TENM2: variants seen among roughly 807,000 people sequenced by gnomAD.
TENM2 encodes the protein teneurin-2.
TENM2 carries 52 observed loss-of-function variants against 245.2 expected under a neutral mutation model. That is an observed-to-expected ratio of 0.21 (90% CI 0.17 to 0.27). The LOEUF (loss-of-function observed/expected upper bound fraction) is 0.27, where lower values mean the gene tolerates loss of function less well. Ranked by LOEUF, TENM2 falls within the 10% of genes least tolerant of loss-of-function variation. TENM2 has a pLI of 1.00. For synonymous variants in TENM2, 1,363 were observed against 1,438.9 expected (o/e 0.95, Z 1.19); for missense variants, 3,046 against 3,666.8 (o/e 0.83, Z 4.37).
At chr5:168,225,274 C>T (rs1044088244) in intron 23 of TENM2, among the ~76,000 whole-genome samples, 1 of 152,138 alleles carries the variant, frequency 6.6e-6, no homozygotes, top group Non-Finnish European at 1.5e-5. Context: ...TGTCCAGAGG[C>T]CTAGGAGATG....
At chr5:168,041,482 A>G (rs1216274404) in intron 5 of TENM2, among the ~76,000 whole-genome samples, 1 of 152,154 alleles carries the variant, frequency 6.6e-6, no homozygotes, top group East Asian at 1.9e-4. Context: ...GCTCTTCCCC[A>G]GACGTCAGCA....
At chr5:167,479,045 G>A (rs1228843704) in intron 2 of TENM2, among the ~76,000 whole-genome samples, 1 of 151,894 alleles carries the variant, frequency 6.6e-6, no homozygotes, top group Non-Finnish European at 1.5e-5. Context: ...TATCATGTAT[G>A]TATGACAGTG....
At chr5:167,667,473 C>T (rs1437038403) in intron 2 of TENM2, among the ~76,000 whole-genome samples, 2 of 152,130 alleles carry the variant, frequency 1.3e-5, no homozygotes, top group East Asian at 1.9e-4. Flanking sequence ...GTCATCAGTC[C>T]ACCCATCAGT....
chr5:167,884,649 T>C lies in TENM2; in HGVS notation c.712+8454T>C, dbSNP rs146339998. On this transcript the variant is annotated intron_variant, in intron 3 of 28. Transcript: ENST00000518659. Reference sequence around the variant, plus strand: ...TATATACCACATTTTGTTTATTCACTCCTCCCTTACTAGACACTTCGGTGG... The same window carrying C: ...TATATACCACATTTTGTTTATTCACCCCTCCCTTACTAGACACTTCGGTGG... 8.1e-4 allele frequency among the ~76,000 whole-genome samples: 123 copies of C among 152,340 alleles called. 1 individual carries two copies. Among genetic ancestry groups the C allele is most frequent in the African/African-American group, 2.5e-3 (106 of 41,590 alleles).
In TENM2 at chr5:167,375,486, C is replaced by T. The variant is rs976283164; in HGVS notation, c.502+13C>T. On this transcript the variant is annotated intron_variant, in intron 2 of 28. Transcript: ENST00000518659. The stretch of plus-strand genomic sequence containing the variant: ...GATGATGAGAACGGTAGGCCTGCTT[C>T]TTAAATACCTTTTAACGTTCTGTGC... 6.4e-7 allele frequency: 1 copy of T among 1,551,004 alleles called. No homozygotes were observed. Among genetic ancestry groups the T allele is most frequent in the African/African-American group, 1.4e-5 (1 of 73,030 alleles).
At chr5:167,331,972 AAGAG>A (rs1372050261) in intron 1 of TENM2, among the ~76,000 whole-genome samples, 2 of 152,208 alleles carry the variant, frequency 1.3e-5, no homozygotes, top group Admixed American at 1.3e-4. Context: ...TCTTCCACAA[AAGAG>A]AGAGAAGGAA....
At chr5:167,776,126 A>G (rs189466148) in intron 2 of TENM2, among the ~76,000 whole-genome samples, 67 of 117,530 alleles carry the variant, frequency 5.7e-4, no homozygotes, top group African/African-American at 1.4e-3. Flanking sequence ...TAATATATGA[A>G]TTATGATTGT....
At chr5:167,013,415 T>C in the TENM2 span, among the ~76,000 whole-genome samples, 1 of 152,206 alleles carries the variant, frequency 6.6e-6, no homozygotes, top group African/African-American at 2.4e-5. Context: ...ACATGGCTTC[T>C]TTGACAGCCA....
At chr5:167,846,477 C>T (rs991883051) in intron 2 of TENM2, among the ~76,000 whole-genome samples, 7 of 152,112 alleles carry the variant, frequency 4.6e-5, no homozygotes, top group Non-Finnish European at 8.8e-5. Context: ...CAGCAGCATG[C>T]GGATTGCTAG....
chr5:167,775,477 C>G (rs1255859686), intron 2 of TENM2, among the ~76,000 whole-genome samples: 1 of 152,198 alleles, frequency 6.6e-6, no homozygotes, highest in Non-Finnish European at 1.5e-5. Flanking sequence ...CTGACAAAAG[C>G]AGGACTCACT....
chr5:167,572,239 G>T (rs1350046627), intron 2 of TENM2, among the ~76,000 whole-genome samples: 1 of 152,238 alleles, frequency 6.6e-6, no homozygotes, highest in Non-Finnish European at 1.5e-5. Context: ...CAGCAATGTG[G>T]CCAGTGTGGG....
the TENM2 span, among the ~76,000 whole-genome samples, chr5:167,260,600 C>A: frequency 1.3e-5 from 2 of 152,154 alleles, no homozygotes; most frequent in East Asian, 3.9e-4. Flanking sequence ...GCTTTTGAAT[C>A]ATTTCATTAT....
chr5:167,102,607 G>A, the TENM2 span, among the ~76,000 whole-genome samples: 938 of 152,328 alleles, frequency 6.2e-3, 5 homozygotes, highest in African/African-American at 0.021. Flanking sequence ...TTCGGAGACT[G>A]TGTCTCTCTG....
chr5:167,427,601 C>T lies in TENM2; in HGVS notation c.502+52128C>T, dbSNP rs977312623. Among the ~76,000 whole-genome samples, 11 of 25,670 alleles carry T rather than the reference C, an allele frequency of 4.3e-4. No individual in the cohort carries two copies. In the East Asian group the frequency reaches 9.5e-3, roughly 22 times the overall value. The allele number at this position is 25,670 out of a possible 152,430, so 16.8% of individuals were successfully genotyped here. ...GACGGGAAGGAAGGGAAGGAAGGGA[C>T]GGGAGGGAAGGAAGGGAAGGAAGAA... On this transcript the variant is annotated intron_variant, in intron 2 of 28. Transcript: ENST00000518659.
At chr5:168,027,210 T>A (rs1344322758) in intron 5 of TENM2, among the ~76,000 whole-genome samples, 1 of 151,962 alleles carries the variant, frequency 6.6e-6, no homozygotes, top group Admixed American at 6.5e-5. Context: ...ACCGAGGTAC[T>A]GATCATGGGG....
intron 2 of TENM2, among the ~76,000 whole-genome samples, chr5:167,645,165 C>T (rs1053876401): frequency 1.3e-5 from 2 of 152,162 alleles, no homozygotes; most frequent in East Asian, 3.8e-4. Context: ...CATGACTGTA[C>T]ACTAACAAGT....
intron 5 of TENM2, among the ~76,000 whole-genome samples, chr5:167,995,708 G>C (rs753053921): frequency 2.6e-5 from 4 of 152,130 alleles, no homozygotes; most frequent in Non-Finnish European, 5.9e-5. Context: ...GGTTATTTAC[G>C]TGCAGAAACT....
At chr5:167,351,100 A>G (rs1469919560) in intron 1 of TENM2, among the ~76,000 whole-genome samples, 1 of 146,200 alleles carries the variant, frequency 6.8e-6, no homozygotes, top group African/African-American at 2.5e-5. Flanking sequence ...ATATGGATAT[A>G]TATATATGGG....
intron 3 of TENM2, among the ~76,000 whole-genome samples, chr5:167,902,415 T>C (rs2151523683): frequency 6.6e-6 from 1 of 152,272 alleles, no homozygotes; most frequent in African/African-American, 2.4e-5. Context: ...TGCCTTGTCG[T>C]TTTAATTACC....
Sources: gnomAD v4.1 joint callset for allele counts (sites outside exome capture counted in the v4.1 genomes callset) on GRCh38, gnomAD v4.1.1 for gene constraint, MANE v1.5 for transcripts, NCBI Gene and HGNC (gene_info 2026-07-23, HGNC 2026-07-21) for gene names.